The following ME3 variants were observed in gnomAD, a reference collection of about 807,000 sequenced individuals.
ME3 encodes malic enzyme 3, also known as NADP-dependent malic enzyme, mitochondrial.
In ME3, 48 loss-of-function variants were observed where a neutral mutation model predicts 68.9. That is an observed-to-expected ratio of 0.70 (90% CI 0.55 to 0.89). ME3 has a LOEUF of 0.89. Among genes scored for constraint, ME3 ranks in the 40% least tolerant of loss-of-function variants. The pLI is 0.00. For synonymous variants in ME3, 320 were observed against 318.8 expected, an observed-to-expected ratio of 1.00 and a Z score of -0.04; for missense variants, 675 against 797.4, an observed-to-expected ratio of 0.85 and a Z score of 1.85.
chr11:86,494,247 C>T (rs1168481870), intron 6 of ME3, among the ~76,000 whole-genome samples: 4 of 152,176 alleles, frequency 2.6e-5, no homozygotes, highest in African/African-American at 9.7e-5. Context: ...TATCCTCTGA[C>T]TTGATCCTGA....
At chr11:86,491,056 A>G (rs554111754) in intron 6 of ME3, among the ~76,000 whole-genome samples, 22 of 152,334 alleles carry the variant, frequency 1.4e-4, no homozygotes, top group Non-Finnish European at 2.9e-5. Flanking sequence ...TCTATGTCTC[A>G]GATACTTTAA....
intron 6 of ME3, among the ~76,000 whole-genome samples, chr11:86,492,482 C>G (rs1354985251): frequency 6.6e-6 from 1 of 152,242 alleles, no homozygotes; most frequent in Non-Finnish European, 1.5e-5. Flanking sequence ...TAGACCAGGA[C>G]TCTTCCCAGG....
chr11:86,560,742 G>GTATATA (rs1201892920), intron 2 of ME3, among the ~76,000 whole-genome samples: 5 of 58,296 alleles, frequency 8.6e-5, no homozygotes, highest in Non-Finnish European at 1.1e-4. Context: ...GTGTGTGTGT[G>GTATATA]TGTGTGTATA....
chr11:86,622,990 G>T (rs1266725913), intron 2 of ME3: 1 of 152,146 alleles, frequency 6.6e-6, no homozygotes, highest in Non-Finnish European at 1.5e-5. Flanking sequence ...CAGTTAACAC[G>T]CCTGTAAAAT....
intron 13 of ME3, 21 bp from the exon 14 acceptor site, chr11:86,442,940 G>A (rs1384965371): frequency 3.1e-5 from 49 of 1,583,336 alleles, no homozygotes; most frequent in East Asian, 6.7e-5. Flanking sequence ...GGAGAGAACC[G>A]AGAGGAATAA....
chr11:86,610,753 C>T (rs1594658399), intron 2 of ME3, among the ~76,000 whole-genome samples: 1 of 152,118 alleles, frequency 6.6e-6, no homozygotes, highest in Non-Finnish European at 1.5e-5. Flanking sequence ...CAAGCATGAA[C>T]AATAACTGAC....
At chr11:86,445,692 A>C (rs545705926) in intron 13 of ME3, among the ~76,000 whole-genome samples, 2 of 152,264 alleles carry the variant, frequency 1.3e-5, no homozygotes, top group East Asian at 3.9e-4. Context: ...ATGAGTGTGA[A>C]TATAGGCTGT....
intron 2 of ME3, among the ~76,000 whole-genome samples, chr11:86,638,006 A>ACACACG (rs10675389): frequency 6.7e-6 from 1 of 149,198 alleles, no homozygotes; most frequent in Non-Finnish European, 1.5e-5. Flanking sequence ...ACACACACAC[A>ACACACG]TAAGGAAGCA....
intron 2 of ME3, among the ~76,000 whole-genome samples, chr11:86,599,771 G>C (rs1304119540): frequency 2.0e-5 from 3 of 152,214 alleles, no homozygotes; most frequent in African/African-American, 7.2e-5. Context: ...AACTCTACAA[G>C]CCAGAAGAGA....
intron 8 of ME3, chr11:86,457,579 CA>C: frequency 8.5e-7 from 1 of 1,174,482 alleles, no homozygotes; most frequent in East Asian, 6.0e-5. Context: ...AAGTTATCTC[CA>C]TCATTAACCT....
In ME3 at chr11:86,537,329, T is replaced by C. The variant is rs1476244065; in HGVS notation, c.467+19224A>G. 2.0e-5 allele frequency among the ~76,000 whole-genome samples: 3 copies of C among 151,090 alleles called. No homozygotes were observed. In the East Asian group the frequency reaches 5.8e-4, roughly 29 times the overall value. ...AGTGCTACATAAATATAATATTATA[T>C]ATAATATTAAATATGCATTAAATAT... On this transcript the variant is annotated intron_variant, in intron 4 of 14. Coordinates refer to ENST00000543262, the Ensembl canonical transcript of ME3.
intron 4 of ME3, among the ~76,000 whole-genome samples, chr11:86,550,423 C>G (rs768473387): frequency 1.3e-5 from 2 of 152,114 alleles, no homozygotes; most frequent in Non-Finnish European, 2.9e-5. Context: ...GGGCAAGAAC[C>G]CAGATCTCCT....
At chr11:86,478,161 G>T (rs1951189086) in intron 7 of ME3, among the ~76,000 whole-genome samples, 2 of 151,778 alleles carry the variant, frequency 1.3e-5, no homozygotes, top group Admixed American at 1.3e-4. Context: ...CACGAGTAAA[G>T]CCACGCTTCC....
intron 6 of ME3, among the ~76,000 whole-genome samples, chr11:86,489,756 G>A (rs185055080): frequency 6.6e-6 from 1 of 152,078 alleles, no homozygotes; most frequent in African/African-American, 2.4e-5. Context: ...TCCCTTCACA[G>A]GTGTCTGACC....
At chr11:86,594,684 C>A (rs764779562) in intron 2 of ME3, among the ~76,000 whole-genome samples, 1 of 145,616 alleles carries the variant, frequency 6.9e-6, no homozygotes, top group Non-Finnish European at 1.5e-5. Flanking sequence ...TCTCAAAAAA[C>A]AATACAAAAA....
At chr11:86,526,247 A>G (rs961347479) in intron 4 of ME3, among the ~76,000 whole-genome samples, 11 of 152,232 alleles carry the variant, frequency 7.2e-5, no homozygotes, top group Admixed American at 2.6e-4. Context: ...GGAGGGTCCT[A>G]TGCCCATGGA....
intron 8 of ME3, among the ~76,000 whole-genome samples, chr11:86,464,612 G>A (rs1248130068): frequency 3.3e-5 from 5 of 152,198 alleles, no homozygotes; most frequent in Non-Finnish European, 7.3e-5. Flanking sequence ...CTAAAAGCAA[G>A]TTATTATGGC....
At chr11:86,460,382 T>G (rs1489546524) in intron 8 of ME3, among the ~76,000 whole-genome samples, 1 of 152,214 alleles carries the variant, frequency 6.6e-6, no homozygotes, top group African/African-American at 2.4e-5. Flanking sequence ...ACAGTGGGAC[T>G]GGTTGGGAGA....
chr11:86,592,667 G>A (rs1959127401), intron 2 of ME3, among the ~76,000 whole-genome samples: 1 of 152,016 alleles, frequency 6.6e-6, no homozygotes, highest in African/African-American at 2.4e-5. Flanking sequence ...TTTATCTAAG[G>A]GTTACTACTT....
Sources: allele counts gnomAD v4.1 joint callset (sites outside exome capture counted in the v4.1 genomes callset), GRCh38; gene constraint gnomAD v4.1.1; transcripts MANE v1.5; gene names NCBI Gene and HGNC (gene_info 2026-07-23, HGNC 2026-07-21).